JAM3: variants seen among roughly 807,000 people sequenced by gnomAD.
JAM3 encodes the protein junctional adhesion molecule 3.
JAM3 carries 31 observed loss-of-function variants against 39.4 expected under a neutral mutation model. The ratio of observed to expected loss-of-function variants is 0.79; its 90% CI spans 0.59 to 1.06. The LOEUF (loss-of-function observed/expected upper bound fraction) is 1.06, where lower values mean the gene tolerates loss of function less well. Ranked by LOEUF, JAM3 falls within the 50% of genes least tolerant of loss-of-function variation. JAM3 has a pLI of 0.00. For missense variants in JAM3, 455 were observed against 391.4 expected, an observed-to-expected ratio of 1.16 and a Z score of -1.37; for synonymous variants, 182 against 148.7, an observed-to-expected ratio of 1.22 and a Z score of -1.63.
chr11:134,100,932 G>A (rs1034317458), intron 1 of JAM3, among the ~76,000 whole-genome samples: 1 of 152,034 alleles, frequency 6.6e-6, no homozygotes, highest in Non-Finnish European at 1.5e-5. Context: ...AGTGAATGAA[G>A]TAAAGTTAAC....
At chr11:134,140,482 CTTTA>C (rs1409489877) in intron 2 of JAM3, among the ~76,000 whole-genome samples, 171 bp from the exon 3 acceptor site, 2 of 152,106 alleles carry the variant, frequency 1.3e-5, no homozygotes, top group African/African-American at 4.8e-5. Context: ...TGCTAATTAT[CTTTA>C]TTGTTTTTCT....
At position 134,140,489 on chromosome 11, in the gene JAM3, GT is replaced by G. The variant is rs1459257016; in HGVS notation, c.143-163del. On this transcript the variant is annotated intron_variant, in intron 2 of 8. Transcript: ENST00000299106. ...AAAATCCTTGCTAATTATCTTTATTGTTTTTCTGGCAAAAAATCCTTTCTCA... is the reference window on the plus strand; with the variant it reads ...AAAATCCTTGCTAATTATCTTTATTGTTTTCTGGCAAAAAATCCTTTCTCA... Among the ~76,000 whole-genome samples the G allele has an allele frequency of 3.3e-5, 5 of 152,114 alleles. No individual in the cohort carries two copies. In the East Asian group the frequency reaches 9.6e-4, roughly 29 times the overall value.
intron 3 of JAM3, 82 bp from the exon 4 acceptor site, chr11:134,144,159 G>A: frequency 7.1e-7 from 1 of 1,398,910 alleles, no homozygotes; most frequent in Non-Finnish European, 1.0e-6. Context: ...GTGGCATCTA[G>A]TGCTAGCCCC....
At chr11:134,117,906 A>G (rs552731082) in intron 1 of JAM3, among the ~76,000 whole-genome samples, 75 of 152,340 alleles carry the variant, frequency 4.9e-4, no homozygotes, top group African/African-American at 1.7e-3. Flanking sequence ...TAAAGAGGCT[A>G]TACTGGATGG....
At chr11:134,106,097 T>C (rs1052038806) in intron 1 of JAM3, among the ~76,000 whole-genome samples, 3 of 152,156 alleles carry the variant, frequency 2.0e-5, no homozygotes, top group East Asian at 1.9e-4. Context: ...GACTTCAAAC[T>C]ATACTACAAG....
chr11:134,139,263 T>C (rs767956561), intron 1 of JAM3, among the ~76,000 whole-genome samples: 3 of 152,204 alleles, frequency 2.0e-5, no homozygotes, highest in Non-Finnish European at 4.4e-5. Context: ...TTCGTGAAAA[T>C]TACCGTGTTA....
intron 1 of JAM3, among the ~76,000 whole-genome samples, chr11:134,131,138 C>A (rs11223705): frequency 0.16 from 23,105 of 148,184 alleles, 1,909 homozygotes; most frequent in African/African-American, 0.23. Context: ...CCAGGCTGAT[C>A]TCTAGATTCA....
chr11:134,106,176 C>A (rs1942181869), intron 1 of JAM3, among the ~76,000 whole-genome samples: 1 of 152,012 alleles, frequency 6.6e-6, no homozygotes, highest in Non-Finnish European at 1.5e-5. Context: ...AGAACAGAGC[C>A]CTCAGAAATA....
chr11:134,145,497 T>C (rs767991954), intron 5 of JAM3: 5 of 327,176 alleles, frequency 1.5e-5, no homozygotes, highest in Admixed American at 4.7e-5. Flanking sequence ...AGATTGGTCA[T>C]GCACTAGAGG....
chr11:134,145,465 G>C lies in JAM3; in HGVS notation c.612+471G>C, dbSNP rs1024653697. The C allele has an allele frequency of 9.3e-6, 3 of 322,726 alleles. No individual in the cohort carries two copies. In the Admixed American group the frequency reaches 1.4e-4, roughly 15 times the overall value. The allele number at this position is 322,726 out of a possible 1,614,324, so 20.0% of individuals were successfully genotyped here. Reference sequence around the variant, plus strand: ...CAAAATAACCCAGTGGTGGTGGTGGGAGGTGGGGGAGGAGAGGAAACAGAT... The same window carrying C: ...CAAAATAACCCAGTGGTGGTGGTGGCAGGTGGGGGAGGAGAGGAAACAGAT... On this transcript the variant is annotated intron_variant, in intron 5 of 8. Transcript: ENST00000299106.
At chr11:134,087,553 C>T (rs562072708) in intron 1 of JAM3, among the ~76,000 whole-genome samples, 2 of 152,276 alleles carry the variant, frequency 1.3e-5, no homozygotes, top group Non-Finnish European at 2.9e-5. Flanking sequence ...TGTTACACAC[C>T]TAGCTATATA....
intron 1 of JAM3, chr11:134,124,044 C>A (rs1434747358): frequency 4.9e-6 from 7 of 1,436,330 alleles, no homozygotes; most frequent in African/African-American, 4.2e-5. Flanking sequence ...TGCAACACAG[C>A]CACCTGGCTC....
chr11:134,134,584 G>C (rs192182865), intron 1 of JAM3, among the ~76,000 whole-genome samples: 2 of 152,232 alleles, frequency 1.3e-5, no homozygotes, highest in Non-Finnish European at 2.9e-5. Context: ...TCAAGGAACT[G>C]CCAAGCTTTT....
chr11:134,082,757 A>G (rs1941687904), intron 1 of JAM3, among the ~76,000 whole-genome samples: 1 of 152,190 alleles, frequency 6.6e-6, no homozygotes, highest in Non-Finnish European at 1.5e-5. Context: ...TACAATGCAT[A>G]TACATGAAAA....
chr11:134,121,388 T>A (rs903473510), intron 1 of JAM3, among the ~76,000 whole-genome samples: 3 of 151,580 alleles, frequency 2.0e-5, no homozygotes. Context: ...AGGAGCCGTG[T>A]GAGCTAGGAA....
At chr11:134,144,110 G>T in intron 3 of JAM3, 131 bp from the exon 4 acceptor site, 1 of 857,562 alleles carries the variant, frequency 1.2e-6, no homozygotes, top group East Asian at 2.6e-5. Flanking sequence ...TTCTGTACTC[G>T]GGAATAGAAA....
intron 3 of JAM3, among the ~76,000 whole-genome samples, 156 bp from the exon 4 acceptor site, chr11:134,144,085 C>A (rs1301251429): frequency 6.6e-6 from 1 of 150,518 alleles, no homozygotes; most frequent in Non-Finnish European, 1.5e-5. Context: ...GGTTCCTGTC[C>A]TCAAGAGAGT....
intron 1 of JAM3, chr11:134,124,311 G>A: frequency 1.2e-6 from 1 of 809,016 alleles, no homozygotes; most frequent in South Asian, 1.4e-5. Context: ...AATCTCCACA[G>A]GGGCTGGACG....
chr11:134,147,643 C>A (rs1236577361), intron 6 of JAM3, among the ~76,000 whole-genome samples: 1 of 151,730 alleles, frequency 6.6e-6, no homozygotes, highest in Non-Finnish European at 1.5e-5. Context: ...CCTGCCAACA[C>A]GCTCAGCCAA....
Sources: allele counts gnomAD v4.1 joint callset (sites outside exome capture counted in the v4.1 genomes callset), GRCh38; gene constraint gnomAD v4.1.1; transcripts MANE v1.5; gene names NCBI Gene and HGNC (gene_info 2026-07-23, HGNC 2026-07-21).